CACNA2D1: variants seen among roughly 807,000 people sequenced by gnomAD.
The protein encoded by CACNA2D1 is voltage-dependent calcium channel subunit alpha-2/delta-1.
Under a neutral mutation model 171.5 loss-of-function variants are expected in CACNA2D1, and 53 were observed. The observed-to-expected ratio is 0.31, with a 90% CI of 0.25 to 0.39. The LOEUF (loss-of-function observed/expected upper bound fraction) is 0.39. CACNA2D1 is among the 10% of genes least tolerant of loss of function. The pLI is 1.00. For synonymous variants in CACNA2D1, 442 were observed against 443.1 expected (o/e 1.00, Z 0.03); for missense variants, 903 against 1,299.8 (o/e 0.69, Z 4.69).
At chr7:81,993,918 T>C (rs1047502924) in intron 20 of CACNA2D1, among the ~76,000 whole-genome samples, 6 of 151,962 alleles carry the variant, frequency 3.9e-5, no homozygotes, top group African/African-American at 1.4e-4. Flanking sequence ...TCTAAGCAAA[T>C]AGAGTTGAAG....
At chr7:82,005,355 A>G (rs567691848) in intron 18 of CACNA2D1, 68 bp downstream of exon 18, 3 of 971,320 alleles carry the variant, frequency 3.1e-6, no homozygotes, top group East Asian at 5.2e-5. Flanking sequence ...TAAAACAACA[A>G]TCCTATTAAG....
intron 1 of CACNA2D1, among the ~76,000 whole-genome samples, chr7:82,403,394 CG>C (rs1301402307): frequency 6.6e-6 from 1 of 152,050 alleles, no homozygotes; most frequent in Non-Finnish European, 1.5e-5. Context: ...TCTTTTTGGT[CG>C]GTTGTAAAGT....
chr7:82,375,508 G>A (rs1309209108), intron 1 of CACNA2D1, among the ~76,000 whole-genome samples: 1 of 152,120 alleles, frequency 6.6e-6, no homozygotes. Flanking sequence ...CATACAAAAT[G>A]TTCCCAGTTG....
intron 3 of CACNA2D1, among the ~76,000 whole-genome samples, chr7:82,312,896 G>A (rs922667133): frequency 4.6e-5 from 7 of 151,954 alleles, no homozygotes; most frequent in Admixed American, 3.9e-4. Flanking sequence ...CATTTAAACC[G>A]AAGATGCTTC....
At chr7:82,251,454 G>C (rs985503556) in intron 3 of CACNA2D1, among the ~76,000 whole-genome samples, 1 of 151,976 alleles carries the variant, frequency 6.6e-6, no homozygotes, top group African/African-American at 2.4e-5. Flanking sequence ...GCATTTCATT[G>C]TACATTCATG....
chr7:82,183,067 AG>A (rs1797319064), intron 3 of CACNA2D1, among the ~76,000 whole-genome samples: 1 of 151,696 alleles, frequency 6.6e-6, no homozygotes. Flanking sequence ...AGGCGCAGGA[AG>A]GGTAGATAAA....
intron 3 of CACNA2D1, among the ~76,000 whole-genome samples, chr7:82,194,172 G>C (rs753206472): frequency 6.6e-6 from 1 of 152,034 alleles, no homozygotes; most frequent in African/African-American, 2.4e-5. Context: ...CAGTGACAGA[G>C]TGTGAATCAT....
At chr7:82,239,718 CT>C (rs1487237125) in intron 3 of CACNA2D1, among the ~76,000 whole-genome samples, 3 of 152,090 alleles carry the variant, frequency 2.0e-5, no homozygotes, top group South Asian at 2.1e-4. Flanking sequence ...CTAAATGTCT[CT>C]TTTTTTCATT....
chr7:81,963,128 A>G (rs1794339774), intron 34 of CACNA2D1, among the ~76,000 whole-genome samples: 1 of 152,016 alleles, frequency 6.6e-6, no homozygotes, highest in African/African-American at 2.4e-5. Context: ...GGTCATGATG[A>G]AATTTTAAAA....
intron 5 of CACNA2D1, among the ~76,000 whole-genome samples, chr7:82,136,092 T>C (rs879619461): frequency 1.3e-5 from 2 of 152,202 alleles, no homozygotes; most frequent in Admixed American, 1.3e-4. Flanking sequence ...AAATAATCCA[T>C]GTTTTCAAGT....
chr7:82,230,605 A>C (rs1802827725), intron 3 of CACNA2D1, among the ~76,000 whole-genome samples: 1 of 152,332 alleles, frequency 6.6e-6, no homozygotes, highest in East Asian at 1.9e-4. Context: ...GGAATTTGGT[A>C]GCCAAATGGG....
chr7:82,085,834 A>G (rs1810410858), intron 6 of CACNA2D1, among the ~76,000 whole-genome samples: 2 of 152,316 alleles, frequency 1.3e-5, no homozygotes, highest in Middle Eastern at 6.8e-3. Context: ...ATGAAAGAGA[A>G]GCAATTATAA....
intron 1 of CACNA2D1, among the ~76,000 whole-genome samples, chr7:82,420,865 C>T (rs759539081): frequency 1.5e-4 from 23 of 151,806 alleles, no homozygotes; most frequent in Non-Finnish European, 1.0e-4. Context: ...CTTTCTCTAA[C>T]ATTGGTTGTT....
At position 81,948,527 on chromosome 7, in the gene CACNA2D1, A is replaced by C. The variant is rs541654850; in HGVS notation, c.*1865T>G. 6.6e-6 allele frequency: 1 copy of C among 151,900 alleles called. No homozygotes were observed. The highest frequency in any genetic ancestry group is 2.4e-5 in the African/African-American group (1 of 41,432). The allele number at this position is 151,900 out of a possible 1,614,324, so 9.4% of individuals were successfully genotyped here. ...GGTATATTGGTGGTGGGAGGGAATT[A>C]CAAATGTATGCAAAGCTAAAAACAA... is the stretch of plus-strand genomic sequence containing the variant. On this transcript the variant is annotated 3_prime_UTR_variant, in exon 39 of 39. Coordinates refer to ENST00000356860, the MANE Select transcript of CACNA2D1 (RefSeq NM_000722.4).
intron 13 of CACNA2D1, 91 bp downstream of exon 13, chr7:82,014,310 A>C: frequency 1.4e-6 from 1 of 734,248 alleles, no homozygotes; most frequent in Non-Finnish European, 2.4e-6. Context: ...AAAGTTAGCT[A>C]CAATTTTAGC....
At chr7:81,970,799 G>C (rs1309076197) in intron 26 of CACNA2D1, 62 bp from the exon 27 acceptor site, 2 of 938,530 alleles carry the variant, frequency 2.1e-6, no homozygotes, top group Non-Finnish European at 3.5e-6. Flanking sequence ...ACAAAGTTAG[G>C]TGTTGGTGAT....
At chr7:82,440,714 T>G (rs1563556174) in intron 1 of CACNA2D1, among the ~76,000 whole-genome samples, 1 of 151,922 alleles carries the variant, frequency 6.6e-6, no homozygotes, top group Non-Finnish European at 1.5e-5. Context: ...TTAGAATGTA[T>G]GTTAAACAGG....
intron 3 of CACNA2D1, among the ~76,000 whole-genome samples, chr7:82,183,408 T>C (rs919873096): frequency 7.2e-5 from 11 of 152,150 alleles, no homozygotes; most frequent in African/African-American, 2.7e-4. Flanking sequence ...AAAAATATCA[T>C]CAAGTTTTCA....
At chr7:82,216,959 A>T (rs913088398) in intron 3 of CACNA2D1, among the ~76,000 whole-genome samples, 24 of 151,478 alleles carry the variant, frequency 1.6e-4, no homozygotes, top group Non-Finnish European at 2.1e-4. Flanking sequence ...TACAGTGTTG[A>T]AGATGTTTTT....
Sources: allele counts gnomAD v4.1 joint callset (sites outside exome capture counted in the v4.1 genomes callset), GRCh38; gene constraint gnomAD v4.1.1; transcripts MANE v1.5; gene names NCBI Gene and HGNC (gene_info 2026-07-23, HGNC 2026-07-21).